The following TRIM23 variants were observed in gnomAD, a reference collection of about 807,000 sequenced individuals.
TRIM23 encodes the protein tripartite motif containing 23.
In TRIM23, 27 loss-of-function variants were observed where a neutral mutation model predicts 71.0. The ratio of observed to expected loss-of-function variants is 0.38; its 90% CI spans 0.28 to 0.52. The LOEUF is 0.52. Ranked by LOEUF, TRIM23 falls within the 20% of genes least tolerant of loss-of-function variation. The pLI is 0.84. For synonymous variants in TRIM23, 234 were observed against 238.0 expected, an observed-to-expected ratio of 0.98 and a Z score of 0.16; for missense variants, 482 against 692.3, an observed-to-expected ratio of 0.70 and a Z score of 3.41.
Position 65,591,546 on chromosome 5 carries a change from A to G in TRIM23, c.*223T>C. The G allele has an allele frequency of 6.8e-7, 1 of 1,465,892 alleles. No homozygotes were observed. Among genetic ancestry groups the G allele is most frequent in the Non-Finnish European group, 9.1e-7 (1 of 1,094,288 alleles). 90.8% of individuals were successfully genotyped at this position (1,465,892 alleles called of 1,614,324 possible). A position where few individuals can be genotyped will look rare whatever the true frequency, so the allele number is the denominator to read the frequency against. On this transcript the variant is annotated 3_prime_UTR_variant, in exon 11 of 11. Transcript: ENST00000231524. ...TTTTTAAAAGAATGTATATTCAATA[A>G]GTTTCTATTTAATTCAATCTAATCT...
At chr5:65,600,775 T>C (rs1754341632) in intron 7 of TRIM23, among the ~76,000 whole-genome samples, 1 of 152,002 alleles carries the variant, frequency 6.6e-6, no homozygotes, top group Admixed American at 6.6e-5. Flanking sequence ...ATCCAGAATA[T>C]ACAAAGAACT....
Position 65,590,711 on chromosome 5 carries a change from C to G in TRIM23, c.*1058G>C. On this transcript the variant is annotated 3_prime_UTR_variant, in exon 11 of 11. Transcript: ENST00000231524. Reference sequence around the variant, plus strand: ...TTTTTTTTCTTTAGACATTTTTCCTCTAGAGTAACTTTTCAAGGCCTTCTC... The same window carrying G: ...TTTTTTTTCTTTAGACATTTTTCCTGTAGAGTAACTTTTCAAGGCCTTCTC... 2 of 984,992 alleles carry G rather than the reference C, an allele frequency of 2.0e-6. No individual in the cohort carries two copies. Among genetic ancestry groups the G allele is most frequent in the Non-Finnish European group, 2.4e-6 (2 of 829,706 alleles). 61.0% of individuals were successfully genotyped at this position (984,992 alleles called of 1,614,324 possible).
At chr5:65,621,567 A>G (rs1365860618) in intron 1 of TRIM23, among the ~76,000 whole-genome samples, 1 of 152,212 alleles carries the variant, frequency 6.6e-6, no homozygotes, top group Non-Finnish European at 1.5e-5. Context: ...AAGCACTAAT[A>G]AAATTCCATT....
chr5:65,615,029 CTGGG>C, intron 2 of TRIM23, among the ~76,000 whole-genome samples: 1 of 151,930 alleles, frequency 6.6e-6, no homozygotes. Context: ...TCCCAAGTGG[CTGGG>C]ACTACAGGTG....
rs1353773992 is a variant in TRIM23 at position 65,624,303 on chromosome 5, C to T, written c.-29G>A. On this transcript the variant is annotated 5_prime_UTR_variant, in exon 1 of 11. Coordinates refer to ENST00000231524, the MANE Select transcript of TRIM23 (RefSeq NM_001656.4). ...CGCAGGGGAAGCGCCACAGAAACAGCCTTCAGAGTCCTCAACTGAGAGGCG... is the reference window on the plus strand; with the variant it reads ...CGCAGGGGAAGCGCCACAGAAACAGTCTTCAGAGTCCTCAACTGAGAGGCG... The T allele has an allele frequency of 6.2e-7, 1 of 1,611,340 alleles. No homozygotes were observed. The highest frequency in any genetic ancestry group is 2.2e-5 in the East Asian group (1 of 44,768).
intron 1 of TRIM23, among the ~76,000 whole-genome samples, chr5:65,620,204 C>T (rs1754892548): frequency 6.6e-6 from 1 of 152,168 alleles, no homozygotes; most frequent in Non-Finnish European, 1.5e-5. Context: ...CACTCTCATA[C>T]ATTACTAATT....
intron 7 of TRIM23, among the ~76,000 whole-genome samples, chr5:65,598,567 T>C (rs1025892666): frequency 3.9e-5 from 6 of 152,116 alleles, no homozygotes; most frequent in Non-Finnish European, 8.8e-5. Flanking sequence ...CTGACCAACA[T>C]AGAGAAACCC....
rs984658066 is a variant in TRIM23, at chr5:65,591,379, C to T, written c.*390G>A. On this transcript the variant is annotated 3_prime_UTR_variant, in exon 11 of 11. Coordinates refer to ENST00000231524, the MANE Select transcript of TRIM23 (RefSeq NM_001656.4). Reference sequence around the variant, plus strand: ...AGAAGCAGCTATACTTCACTTGCTTCACACAGAGGTCTCATTAGGCACTCA... The same window carrying T: ...AGAAGCAGCTATACTTCACTTGCTTTACACAGAGGTCTCATTAGGCACTCA... 6 of 1,539,592 alleles carry T rather than the reference C, an allele frequency of 3.9e-6. No homozygotes were observed. In the Admixed American group the frequency reaches 8.3e-5, roughly 21 times the overall value.
At chr5:65,621,079 G>A (rs1754925482) in intron 1 of TRIM23, among the ~76,000 whole-genome samples, 1 of 151,808 alleles carries the variant, frequency 6.6e-6, no homozygotes, top group Non-Finnish European at 1.5e-5. Flanking sequence ...TAGGCTGGGT[G>A]CGGTGGCTCA....
At chr5:65,597,005 A>G in intron 8 of TRIM23, 46 bp downstream of exon 8, 1 of 1,603,970 alleles carries the variant, frequency 6.2e-7, no homozygotes. Flanking sequence ...ACTTGGCTGT[A>G]AGCTAGGGTT....
chr5:65,601,829 T>C (rs1186181648), intron 7 of TRIM23, among the ~76,000 whole-genome samples: 1 of 151,440 alleles, frequency 6.6e-6, no homozygotes, highest in Admixed American at 6.6e-5. Flanking sequence ...TTCCACCCTC[T>C]GAAGCCACAG....
rs1185965517 is a variant in TRIM23 at position 65,618,090 on chromosome 5, T to C, written c.244+3A>G. On this transcript the variant is annotated splice_donor_region_variant and intron_variant, in intron 2 of 10. Transcript: ENST00000231524. ...CTTAAATCCATACAAATACTTTTCC[T>C]ACCTAGGTCTGTTACTTGTCGATCA... 1.3e-6 allele frequency: 2 copies of C among 1,588,904 alleles called. No homozygotes were observed. The highest frequency in any genetic ancestry group is 1.7e-6 in the Non-Finnish European group (2 of 1,168,602).
chr5:65,611,993 T>C lies in TRIM23; in HGVS notation c.367-112A>G, dbSNP rs923482320. On this transcript the variant is annotated intron_variant, in intron 3 of 10. Transcript: ENST00000231524. Reference sequence around the variant, plus strand: ...TGCTTAACTGAACAATATTTACATATGAAAATATATTGGTCATTAAGAACA... The same window carrying C: ...TGCTTAACTGAACAATATTTACATACGAAAATATATTGGTCATTAAGAACA... 5.0e-6 allele frequency: 5 copies of C among 1,008,450 alleles called. No homozygotes were observed. In the African/African-American group the frequency reaches 6.5e-5, roughly 13 times the overall value. 62.5% of individuals were successfully genotyped at this position (1,008,450 alleles called of 1,614,324 possible).
chr5:65,607,589 C>A (rs62372460), intron 6 of TRIM23, among the ~76,000 whole-genome samples: 2 of 152,120 alleles, frequency 1.3e-5, no homozygotes, highest in African/African-American at 4.8e-5. Flanking sequence ...AATTAAGCCC[C>A]TTTCCTTTAT....
rs1011838713 is a variant in TRIM23 at position 65,590,398 on chromosome 5, G to A, written c.*1371C>T. The A allele has an allele frequency of 7.0e-7, 1 of 1,426,592 alleles. No individual in the cohort carries two copies. 88.4% of individuals were successfully genotyped at this position (1,426,592 alleles called of 1,614,324 possible). A position where few individuals can be genotyped will look rare whatever the true frequency, so the allele number is the denominator to read the frequency against. ...TTTAATGCTTTGTTTTCTAAAACTT[G>A]TATTGTTTTTAAACAAAAATAGATT... On this transcript the variant is annotated 3_prime_UTR_variant, in exon 11 of 11. Transcript: ENST00000231524.
rs530353362 is a variant in TRIM23, at chr5:65,622,021, T to C, written c.81+2173A>G. Among the ~76,000 whole-genome samples, 22 of 151,958 alleles carry C rather than the reference T, an allele frequency of 1.4e-4. 1 individual carries two copies. Among genetic ancestry groups the C allele is most frequent in the African/African-American group, 4.3e-4 (18 of 41,450 alleles). On this transcript the variant is annotated intron_variant, in intron 1 of 10. Transcript: ENST00000231524. ...TTTTTTTTATTATTATTTGTAGAGATAGGATCTCACCATGTTGCCCAGGCT... is the reference window on the plus strand; with the variant it reads ...TTTTTTTTATTATTATTTGTAGAGACAGGATCTCACCATGTTGCCCAGGCT...
At chr5:65,607,230 T>C (rs1351545969) in intron 6 of TRIM23, 41 of 152,226 alleles carry the variant, frequency 2.7e-4, no homozygotes, top group Admixed American at 2.7e-3. Context: ...TAGGTCCATA[T>C]GAAAAATGAA....
chr5:65,603,856 GT>G (rs1228189989), intron 7 of TRIM23, among the ~76,000 whole-genome samples: 1 of 151,944 alleles, frequency 6.6e-6, no homozygotes, highest in Non-Finnish European at 1.5e-5. Flanking sequence ...TAAAAAAATT[GT>G]TTTGAAAACA....
chr5:65,604,676 T>C (rs1754451328), intron 7 of TRIM23: 1 of 369,082 alleles, frequency 2.7e-6, no homozygotes, highest in East Asian at 4.3e-5. Context: ...TATGGCACAC[T>C]TCACAAATTT....
Sources: allele counts gnomAD v4.1 joint callset (sites outside exome capture counted in the v4.1 genomes callset), GRCh38; gene constraint gnomAD v4.1.1; transcripts MANE v1.5; gene names NCBI Gene and HGNC (gene_info 2026-07-23, HGNC 2026-07-21).